ABCA1: variants seen among roughly 807,000 people sequenced by gnomAD.
ABCA1 encodes phospholipid-transporting ATPase ABCA1.
ABCA1 carries 133 observed loss-of-function variants against 262.5 expected under a neutral mutation model. The observed-to-expected ratio is 0.51, with a 90% CI of 0.44 to 0.59. The LOEUF (loss-of-function observed/expected upper bound fraction) is 0.59. Ranked by LOEUF, ABCA1 falls within the 20% of genes least tolerant of loss-of-function variation. The pLI, the probability that ABCA1 is intolerant of heterozygous loss-of-function variation, is 0.00. For missense variants in ABCA1, 2,452 were observed against 2,777.5 expected, an observed-to-expected ratio of 0.88 and a Z score of 2.63; for synonymous variants, 1,022 against 1,043.5, an observed-to-expected ratio of 0.98 and a Z score of 0.40.
intron 37 of ABCA1, among the ~76,000 whole-genome samples, chr9:104,797,775 A>AC (rs1830023777): frequency 6.6e-6 from 1 of 152,218 alleles, no homozygotes; most frequent in Non-Finnish European, 1.5e-5. Context: ...AAATGAGAGT[A>AC]TGAGAGTTAT....
At chr9:104,897,387 T>C (rs1481968441) in intron 2 of ABCA1, among the ~76,000 whole-genome samples, 2 of 152,204 alleles carry the variant, frequency 1.3e-5, no homozygotes, top group Non-Finnish European at 2.9e-5. Context: ...TCCTCAGATT[T>C]TGGCCTACAG....
chr9:104,896,153 G>C (rs1840176761), intron 2 of ABCA1, among the ~76,000 whole-genome samples: 1 of 152,158 alleles, frequency 6.6e-6, no homozygotes, highest in African/African-American at 2.4e-5. Context: ...CAAATGATTT[G>C]CAAGTATGGG....
At chr9:104,806,836 C>T (rs995640802) in intron 30 of ABCA1, among the ~76,000 whole-genome samples, 1 of 151,834 alleles carries the variant, frequency 6.6e-6, no homozygotes, top group Admixed American at 6.6e-5. Context: ...ATGGAGGAGA[C>T]GAACAACAAA....
At chr9:104,888,538 CCCAGATAA>C (rs1839422199) in intron 3 of ABCA1, among the ~76,000 whole-genome samples, 1 of 152,186 alleles carries the variant, frequency 6.6e-6, no homozygotes, top group Non-Finnish European at 1.5e-5. Context: ...AGAATTCATA[CCCAGATAA>C]CCTGACATCT....
At chr9:104,882,645 A>G (rs1364243697) in intron 5 of ABCA1, among the ~76,000 whole-genome samples, 1 of 152,282 alleles carries the variant, frequency 6.6e-6, no homozygotes, top group Non-Finnish European at 1.5e-5. Context: ...TCACTTATCC[A>G]TATCAACTTA....
chr9:104,788,754 C>T (rs1829150850), intron 44 of ABCA1, among the ~76,000 whole-genome samples, 187 bp from the exon 45 acceptor site: 1 of 152,212 alleles, frequency 6.6e-6, no homozygotes, highest in Non-Finnish European at 1.5e-5. Flanking sequence ...GGGTTCCTGC[C>T]TCTACCCTCC....
intron 37 of ABCA1, 132 bp downstream of exon 37, chr9:104,798,289 C>A: frequency 9.2e-7 from 1 of 1,084,522 alleles, no homozygotes; most frequent in Non-Finnish European, 1.4e-6. Context: ...CTGCCTCTGG[C>A]TATTTCTTTT....
chr9:104,858,787 A>G (rs1390824839), intron 6 of ABCA1, 89 bp from the exon 7 acceptor site: 7 of 1,292,922 alleles, frequency 5.4e-6, no homozygotes, highest in South Asian at 1.2e-5. Flanking sequence ...AGAACTTCAT[A>G]TCAATACAGC....
At chr9:104,882,531 G>C (rs747038872) in intron 5 of ABCA1, among the ~76,000 whole-genome samples, 8 of 152,220 alleles carry the variant, frequency 5.3e-5, no homozygotes, top group Non-Finnish European at 1.2e-4. Flanking sequence ...CAGAGGTAAA[G>C]ATTTCACTTT....
At chr9:104,819,065 T>C (rs1335015688) in intron 22 of ABCA1, among the ~76,000 whole-genome samples, 182 bp from the exon 23 acceptor site, 4 of 152,180 alleles carry the variant, frequency 2.6e-5, no homozygotes, top group African/African-American at 9.7e-5. Context: ...AGGTACCACA[T>C]CCTCACAGAG....
intron 11 of ABCA1, among the ~76,000 whole-genome samples, chr9:104,834,883 C>G (rs922169651): frequency 5.9e-5 from 9 of 152,150 alleles, no homozygotes; most frequent in Non-Finnish European, 1.0e-4. Flanking sequence ...CAGCCATCAC[C>G]TCGTGTAGGA....
At chr9:104,856,060 T>G (rs748941595) in intron 7 of ABCA1, 4 of 1,607,230 alleles carry the variant, frequency 2.5e-6, no homozygotes, top group Non-Finnish European at 3.4e-6. Flanking sequence ...TAACTGCCCA[T>G]GTGCAATGTC....
intron 5 of ABCA1, among the ~76,000 whole-genome samples, chr9:104,864,261 C>T (rs4149280): frequency 0.07 from 10,590 of 152,068 alleles, 588 homozygotes; most frequent in East Asian, 0.28. Flanking sequence ...TTTTAGCTGG[C>T]CAGGTCCAGG....
chr9:104,925,145 G>A (rs1278791518), intron 1 of ABCA1, among the ~76,000 whole-genome samples: 3 of 152,164 alleles, frequency 2.0e-5, no homozygotes, highest in Non-Finnish European at 4.4e-5. Flanking sequence ...TTGGGAGGCC[G>A]AGGCGGGTGG....
chr9:104,883,890 G>A (rs1838912194), intron 4 of ABCA1, among the ~76,000 whole-genome samples: 1 of 152,230 alleles, frequency 6.6e-6, no homozygotes, highest in African/African-American at 2.4e-5. Context: ...GAAGCCAGGA[G>A]CCAGGAATAC....
intron 5 of ABCA1, among the ~76,000 whole-genome samples, chr9:104,864,133 A>G (rs1260279764): frequency 1.3e-5 from 2 of 152,230 alleles, no homozygotes; most frequent in Non-Finnish European, 2.9e-5. Flanking sequence ...CAATGCCCAG[A>G]TCAGGCCTGG....
chr9:104,908,522 T>C (rs373090866), intron 1 of ABCA1, among the ~76,000 whole-genome samples: 1 of 152,040 alleles, frequency 6.6e-6, no homozygotes, highest in Non-Finnish European at 1.5e-5. Flanking sequence ...TAAAAATTAG[T>C]TGGGCGTGGC....
chr9:104,814,727 G>A (rs1435457289), intron 25 of ABCA1, among the ~76,000 whole-genome samples: 2 of 152,222 alleles, frequency 1.3e-5, no homozygotes, highest in Non-Finnish European at 2.9e-5. Flanking sequence ...TGAGCGCTGT[G>A]GCTCAGGCCT....
intron 49 of ABCA1, 62 bp downstream of exon 49, chr9:104,785,334 G>A: frequency 6.2e-7 from 1 of 1,604,006 alleles, no homozygotes; most frequent in South Asian, 1.1e-5. Context: ...CCTATGGGCG[G>A]GAGTGTCGGG....
Sources: gnomAD v4.1 joint callset for allele counts (sites outside exome capture counted in the v4.1 genomes callset) on GRCh38, gnomAD v4.1.1 for gene constraint, MANE v1.5 for transcripts, NCBI Gene and HGNC (gene_info 2026-07-23, HGNC 2026-07-21) for gene names.